PCDH15: variants seen among roughly 807,000 people sequenced by gnomAD.
The protein encoded by PCDH15 is protocadherin related 15.
PCDH15 carries 129 observed loss-of-function variants against 178.5 expected under a neutral mutation model. That is an observed-to-expected ratio of 0.72 (90% confidence interval 0.63 to 0.84). The LOEUF is 0.84. PCDH15 is among the 40% of genes least tolerant of loss of function. PCDH15 has a pLI of 0.00. For missense variants in PCDH15, 2,230 were observed against 2,099.9 expected, an observed-to-expected ratio of 1.06 and a Z score of -1.21; for synonymous variants, 800 against 732.0, an observed-to-expected ratio of 1.09 and a Z score of -1.50.
At chr10:54,313,766 G>A (rs982220528) in intron 8 of PCDH15, among the ~76,000 whole-genome samples, 1 of 152,044 alleles carries the variant, frequency 6.6e-6, no homozygotes. Flanking sequence ...GATCACTTAC[G>A]TTATTACCCC....
intron 1 of PCDH15, among the ~76,000 whole-genome samples, chr10:55,291,984 G>A (rs1437252281): frequency 6.6e-6 from 1 of 152,068 alleles, no homozygotes; most frequent in Non-Finnish European, 1.5e-5. Flanking sequence ...CTCCAACTGA[G>A]TCCTTCTCAC....
At chr10:54,270,973 T>C (rs2058012979) in intron 8 of PCDH15, among the ~76,000 whole-genome samples, 1 of 152,118 alleles carries the variant, frequency 6.6e-6, no homozygotes, top group South Asian at 2.1e-4. Context: ...TAAATTATTA[T>C]ATATGACCAA....
intron 2 of PCDH15, among the ~76,000 whole-genome samples, chr10:55,556,709 C>T (rs537088275): frequency 2.6e-5 from 4 of 152,128 alleles, no homozygotes; most frequent in African/African-American, 9.6e-5. Flanking sequence ...TGTGGTGGCG[C>T]GTGTGCGTGC....
intron 27 of PCDH15, among the ~76,000 whole-genome samples, chr10:53,865,739 G>A (rs1266886807): frequency 1.6e-5 from 1 of 62,138 alleles, no homozygotes; most frequent in Non-Finnish European, 2.5e-5. Context: ...CATTATCTAA[G>A]AAGAAAAATA....
intron 2 of PCDH15, among the ~76,000 whole-genome samples, chr10:55,481,266 A>T (rs1589067608): frequency 6.6e-6 from 1 of 150,998 alleles, no homozygotes; most frequent in African/African-American, 2.4e-5. Flanking sequence ...TATTTTACTA[A>T]TTTTTTTCAG....
chr10:55,522,321 T>C (rs977085513), intron 2 of PCDH15, among the ~76,000 whole-genome samples: 62 of 152,028 alleles, frequency 4.1e-4, no homozygotes, highest in African/African-American at 1.5e-3. Context: ...TTATTTGTTC[T>C]ATAGATCCAT....
intron 16 of PCDH15, among the ~76,000 whole-genome samples, chr10:54,081,143 A>G (rs1306025788): frequency 6.6e-6 from 1 of 152,106 alleles, no homozygotes; most frequent in Non-Finnish European, 1.5e-5. Context: ...GAAACAAAAC[A>G]TAACAAAACT....
At position 53,802,998 on chromosome 10, in the gene PCDH15, A is replaced by C. The variant is rs1273784870; in HGVS notation, c.*3581T>G. On this transcript the variant is annotated 3_prime_UTR_variant, in exon 38 of 38. Transcript: ENST00000644397. ...GCTTAACTGACCATAAATTTAAAGT[A>C]GATTGCAATGAAAAAAATACCAGTC... 1.3e-5 allele frequency: 2 copies of C among 151,910 alleles called. No individual in the cohort carries two copies. The highest frequency in any genetic ancestry group is 2.9e-5 in the Non-Finnish European group (2 of 67,820). 9.4% of individuals were successfully genotyped at this position (151,910 alleles called of 1,614,324 possible). A position where few individuals can be genotyped will look rare whatever the true frequency, so the allele number is the denominator to read the frequency against.
intron 2 of PCDH15, among the ~76,000 whole-genome samples, chr10:55,460,955 C>A (rs973430193): frequency 1.3e-5 from 2 of 152,126 alleles, no homozygotes; most frequent in African/African-American, 4.8e-5. Flanking sequence ...GTCCCCACTG[C>A]TGAAGCAAGA....
intron 2 of PCDH15, among the ~76,000 whole-genome samples, chr10:55,594,201 C>T (rs191681218): frequency 1.4e-3 from 211 of 151,786 alleles, no homozygotes; most frequent in African/African-American, 4.8e-3. Flanking sequence ...ATTCTTTTTA[C>T]AAGAAATGTG....
chr10:54,368,674 A>C (rs1478653342), intron 5 of PCDH15, among the ~76,000 whole-genome samples: 1 of 151,982 alleles, frequency 6.6e-6, no homozygotes, highest in Non-Finnish European at 1.5e-5. Flanking sequence ...TAATTTTTGG[A>C]TATTTCAGAA....
chr10:54,424,682 A>C (rs1956023984), intron 3 of PCDH15, among the ~76,000 whole-genome samples: 1 of 152,112 alleles, frequency 6.6e-6, no homozygotes, highest in African/African-American at 2.4e-5. Flanking sequence ...TGCAGCCATA[A>C]AAAATGATGA....
chr10:53,810,797 T>G (rs1471869751), intron 36 of PCDH15, 133 bp from the exon 37 acceptor site: 1 of 800,428 alleles, frequency 1.2e-6, no homozygotes, highest in East Asian at 2.6e-5. Context: ...TCAGGCTCCT[T>G]GTAAACTAGT....
At chr10:55,047,543 G>A (rs1326472936) in intron 2 of PCDH15, among the ~76,000 whole-genome samples, 1 of 151,692 alleles carries the variant, frequency 6.6e-6, no homozygotes, top group African/African-American at 2.4e-5. Flanking sequence ...GGAAAAATAA[G>A]CAACAAATAA....
chr10:53,968,084 TG>T (rs1266484316), intron 21 of PCDH15, among the ~76,000 whole-genome samples: 1 of 152,142 alleles, frequency 6.6e-6, no homozygotes, highest in Non-Finnish European at 1.5e-5. Context: ...CAAGGGGTTG[TG>T]GAATTTCCTT....
At chr10:53,966,301 C>T (rs1461241879) in intron 21 of PCDH15, among the ~76,000 whole-genome samples, 2 of 152,138 alleles carry the variant, frequency 1.3e-5, no homozygotes, top group African/African-American at 2.4e-5. Flanking sequence ...TTTTATATCA[C>T]ATATTATGAT....
intron 2 of PCDH15, among the ~76,000 whole-genome samples, chr10:55,541,871 G>A (rs953471765): frequency 1.3e-5 from 2 of 151,730 alleles, no homozygotes; most frequent in African/African-American, 2.4e-5. Context: ...CAGAAGCAGC[G>A]ATTTGTGATT....
chr10:54,162,344 G>GA (rs1285235888), intron 13 of PCDH15, among the ~76,000 whole-genome samples: 1 of 152,074 alleles, frequency 6.6e-6, no homozygotes, highest in Non-Finnish European at 1.5e-5. Flanking sequence ...TTCCTCCTAT[G>GA]AATGGACAGG....
chr10:54,948,602 C>G (rs1118394), intron 2 of PCDH15, among the ~76,000 whole-genome samples: 69,649 of 151,534 alleles, frequency 0.46, 16,174 homozygotes, highest in Middle Eastern at 0.56. Flanking sequence ...TCCCAAAAAA[C>G]TGGAAAAAAT....
Sources: allele counts gnomAD v4.1 joint callset (sites outside exome capture counted in the v4.1 genomes callset), GRCh38; gene constraint gnomAD v4.1.1; transcripts MANE v1.5; gene names NCBI Gene and HGNC (gene_info 2026-07-23, HGNC 2026-07-21).